The following FARS2 variants were observed in gnomAD, a reference collection of about 807,000 sequenced individuals.
The protein encoded by FARS2 is phenylalanyl-tRNA synthetase 2, mitochondrial, also known as phenylalanine--tRNA ligase, mitochondrial.
In FARS2, 40 loss-of-function variants were observed where a neutral mutation model predicts 46.4. The observed-to-expected ratio is 0.86, with a 90% CI of 0.67 to 1.12. The LOEUF (loss-of-function observed/expected upper bound fraction) is 1.12. FARS2 is among the 50% of genes most tolerant of loss of function. The probability of loss-of-function intolerance (pLI) is 0.00; values close to 1 mark genes in which losing one functional copy is unlikely to be tolerated. For synonymous variants in FARS2, 234 were observed against 214.9 expected (o/e 1.09, Z -0.78); for missense variants, 513 against 567.9 (o/e 0.90, Z 0.98).
chr6:5,267,476 C>G (rs186223391), intron 1 of FARS2, among the ~76,000 whole-genome samples: 86 of 152,098 alleles, frequency 5.7e-4, no homozygotes, highest in African/African-American at 2.0e-3. Flanking sequence ...CCAGGCCAGG[C>G]GTGGTGGCTC....
intron 2 of FARS2, among the ~76,000 whole-genome samples, chr6:5,382,707 T>G (rs1759868075): frequency 6.6e-6 from 1 of 152,180 alleles, no homozygotes; most frequent in African/African-American, 2.4e-5. Flanking sequence ...AGTAGAAGCT[T>G]CTTTGTTATT....
intron 4 of FARS2, among the ~76,000 whole-genome samples, chr6:5,528,824 T>G (rs1267323318): frequency 6.6e-6 from 1 of 152,132 alleles, no homozygotes; most frequent in African/African-American, 2.4e-5. Flanking sequence ...TGTTCCTGCT[T>G]TCCTCCTGAC....
chr6:5,469,630 A>C (rs1765703132), intron 4 of FARS2, among the ~76,000 whole-genome samples: 1 of 152,226 alleles, frequency 6.6e-6, no homozygotes, highest in Admixed American at 6.5e-5. Context: ...GTCAGTCAGG[A>C]TGACTCGCTT....
intron 4 of FARS2, among the ~76,000 whole-genome samples, chr6:5,536,674 C>T (rs1210896209): frequency 6.6e-6 from 1 of 152,134 alleles, no homozygotes; most frequent in Non-Finnish European, 1.5e-5. Context: ...TCCATGTAGC[C>T]TGGTGTAAAT....
chr6:5,531,802 C>CT (rs1419170564), intron 4 of FARS2, among the ~76,000 whole-genome samples: 1 of 152,184 alleles, frequency 6.6e-6, no homozygotes, highest in African/African-American at 2.4e-5. Flanking sequence ...GGATGAAGGA[C>CT]TACATGCATG....
At chr6:5,305,289 C>T (rs531834097) in intron 1 of FARS2, among the ~76,000 whole-genome samples, 1 of 152,266 alleles carries the variant, frequency 6.6e-6, no homozygotes, top group East Asian at 1.9e-4. Context: ...TACCCATTTC[C>T]TAAAATGTCT....
At chr6:5,410,903 G>A (rs897788294) in intron 3 of FARS2, among the ~76,000 whole-genome samples, 8 of 152,088 alleles carry the variant, frequency 5.3e-5, no homozygotes, top group African/African-American at 1.9e-4. Flanking sequence ...TACAATCTCC[G>A]TTTTTCAGAT....
chr6:5,703,183 A>G (rs1470225114), intron 6 of FARS2, among the ~76,000 whole-genome samples: 2 of 152,194 alleles, frequency 1.3e-5, no homozygotes, highest in African/African-American at 4.8e-5. Context: ...AAGAGTGATG[A>G]ACCTCTGGTA....
chr6:5,528,385 C>T (rs1769606044), intron 4 of FARS2, among the ~76,000 whole-genome samples: 2 of 152,106 alleles, frequency 1.3e-5, no homozygotes, highest in Non-Finnish European at 2.9e-5. Flanking sequence ...CTGACTTTTC[C>T]AAAACATCCA....
chr6:5,522,055 C>A (rs1769174405), intron 4 of FARS2, among the ~76,000 whole-genome samples: 1 of 152,184 alleles, frequency 6.6e-6, no homozygotes, highest in Non-Finnish European at 1.5e-5. Flanking sequence ...GATTAATAGT[C>A]AGGATAGTCT....
intron 6 of FARS2, among the ~76,000 whole-genome samples, chr6:5,654,235 A>G (rs975502692): frequency 1.1e-4 from 17 of 152,034 alleles, no homozygotes; most frequent in African/African-American, 3.9e-4. Context: ...CTTTAATGGG[A>G]CATAACATCC....
chr6:5,272,617 G>A (rs898858904), intron 1 of FARS2: 7 of 152,140 alleles, frequency 4.6e-5, no homozygotes, highest in Non-Finnish European at 7.4e-5. Flanking sequence ...TCAAATTAGT[G>A]TAATTGTGAT....
At chr6:5,488,101 T>C (rs409548) in intron 4 of FARS2, among the ~76,000 whole-genome samples, 30,443 of 152,118 alleles carry the variant, frequency 0.2, 3,337 homozygotes, top group African/African-American at 0.26. Context: ...TAAATGTGTT[T>C]TCTCCTGTGC....
intron 4 of FARS2, among the ~76,000 whole-genome samples, chr6:5,481,102 C>A (rs1766428688): frequency 6.6e-6 from 1 of 152,224 alleles, no homozygotes; most frequent in Admixed American, 6.5e-5. Flanking sequence ...ACGTCTTACA[C>A]CTCCCTTTCA....
chr6:5,713,491 G>A (rs1019364265), intron 6 of FARS2, among the ~76,000 whole-genome samples: 1 of 152,228 alleles, frequency 6.6e-6, no homozygotes, highest in Non-Finnish European at 1.5e-5. Flanking sequence ...AGGAATAGAG[G>A]TCTGGAGACG....
chr6:5,274,314 C>T (rs1766176460), intron 1 of FARS2, among the ~76,000 whole-genome samples: 1 of 152,236 alleles, frequency 6.6e-6, no homozygotes, highest in African/African-American at 2.4e-5. Flanking sequence ...CGGTCTTAGG[C>T]TTCATAGTGA....
intron 4 of FARS2, among the ~76,000 whole-genome samples, chr6:5,444,682 A>G (rs1452606743): frequency 1.3e-5 from 2 of 152,124 alleles, no homozygotes; most frequent in African/African-American, 4.8e-5. Flanking sequence ...CTCAATATCC[A>G]TATATAAATT....
chr6:5,478,689 T>C (rs2432803), intron 4 of FARS2, among the ~76,000 whole-genome samples: 122,754 of 152,130 alleles, frequency 0.81, 49,777 homozygotes, highest in East Asian at 0.92. Context: ...AGCACCACCA[T>C]TAAAATGGTG....
intron 4 of FARS2, among the ~76,000 whole-genome samples, chr6:5,442,401 A>G (rs1244870777): frequency 3.9e-5 from 5 of 128,694 alleles, no homozygotes; most frequent in African/African-American, 8.3e-5. Flanking sequence ...TGGAATGTGT[A>G]TATATATATA....
Sources: allele counts gnomAD v4.1 joint callset (sites outside exome capture counted in the v4.1 genomes callset), GRCh38; gene constraint gnomAD v4.1.1; transcripts MANE v1.5; gene names NCBI Gene and HGNC (gene_info 2026-07-23, HGNC 2026-07-21).